TRAFD1: variants seen among roughly 807,000 people sequenced by gnomAD.
The protein encoded by TRAFD1 is TRAF-type zinc finger domain containing 1.
Under a neutral mutation model 65.3 loss-of-function variants are expected in TRAFD1, and 38 were observed. The observed-to-expected ratio is 0.58, with a 90% confidence interval of 0.45 to 0.76. The LOEUF is 0.76. Ranked by LOEUF, TRAFD1 falls within the 30% of genes least tolerant of loss-of-function variation. TRAFD1 has a pLI of 0.00. For missense variants in TRAFD1, 631 were observed against 712.6 expected, an observed-to-expected ratio of 0.89 and a Z score of 1.30; for synonymous variants, 223 against 257.2, an observed-to-expected ratio of 0.87 and a Z score of 1.27.
At position 112,130,459 on chromosome 12, in the gene TRAFD1, C is replaced by A; in HGVS notation, c.-12-52C>A. 1 of 1,482,272 alleles carries A rather than the reference C, an allele frequency of 6.7e-7. No homozygotes were observed. The highest frequency in any genetic ancestry group is 9.4e-7 in the Non-Finnish European group (1 of 1,067,332). The allele number at this position is 1,482,272 out of a possible 1,614,324, so 91.8% of individuals were successfully genotyped here. A position where few individuals can be genotyped will look rare whatever the true frequency, so the allele number is the denominator to read the frequency against. ...TTTTATTTGTTTTTTTGCATGTCAT[C>A]TTTAAAGCAGAAATGAAAGAGAAAG... On this transcript the variant is annotated intron_variant, in intron 1 of 11. Coordinates refer to ENST00000412615, the MANE Select transcript of TRAFD1 (RefSeq NM_006700.3). The surrounding 1 kb of genome is among the most constrained non-coding windows in gnomAD (Gnocchi z 4.4).
Position 112,153,211 on chromosome 12 carries a change from G to A in TRAFD1, c.*420G>A, listed in dbSNP as rs992425126. ...TTGGGGGCTTTTGGGCAACCTCTCC[G>A]TGTACTGCGTCTGTCCACACTCGAT... On this transcript the variant is annotated 3_prime_UTR_variant, in exon 12 of 12. Coordinates refer to ENST00000412615, the MANE Select transcript of TRAFD1 (RefSeq NM_006700.3). The A allele has an allele frequency of 3.3e-5, 6 of 182,236 alleles. No homozygotes were observed. The highest frequency in any genetic ancestry group is 9.5e-5 in the African/African-American group (4 of 42,020). 11.3% of individuals were successfully genotyped at this position (182,236 alleles called of 1,614,324 possible).
At chr12:112,144,006 G>A (rs993041141) in intron 6 of TRAFD1, among the ~76,000 whole-genome samples, 1 of 152,038 alleles carries the variant, frequency 6.6e-6, no homozygotes, top group African/African-American at 2.4e-5. Context: ...TGGGATTACA[G>A]GCATTAGCCA....
At position 112,151,800 on chromosome 12, in the gene TRAFD1, G is replaced by C; in HGVS notation, c.1280-1G>C. 6.2e-7 allele frequency: 1 copy of C among 1,611,010 alleles called. No homozygotes were observed. Among genetic ancestry groups the C allele is most frequent in the South Asian group, 1.1e-5 (1 of 91,000 alleles). On this transcript the variant is annotated splice_acceptor_variant, in intron 9 of 11. Transcript: ENST00000412615. LOFTEE classifies it high-confidence loss of function. ...AAGCTGTTACCATTTTCTCTTCTCAGGAGACCTGTCTTCTGGTTACCTGGA... is the reference window on the plus strand; with the variant it reads ...AAGCTGTTACCATTTTCTCTTCTCACGAGACCTGTCTTCTGGTTACCTGGA...
intron 4 of TRAFD1, 77 bp from the exon 5 acceptor site, chr12:112,140,742 T>C: frequency 8.5e-6 from 13 of 1,534,176 alleles, no homozygotes; most frequent in Non-Finnish European, 1.2e-5. Flanking sequence ...GTAGATACTC[T>C]TGGCTTTCCT....
intron 2 of TRAFD1, among the ~76,000 whole-genome samples, chr12:112,131,780 C>T (rs2079567317): frequency 6.6e-6 from 1 of 152,056 alleles, no homozygotes; most frequent in Non-Finnish European, 1.5e-5. Flanking sequence ...AATATGTTGG[C>T]AGTTAAATTT....
At position 112,142,134 on chromosome 12, in the gene TRAFD1, C is replaced by T; in HGVS notation, c.689C>T (p.Pro230Leu). ...GAAAGGAATAGAGGCCAACAGCCCC[C>T]CAAAGAGGGTGGTGAAGAGAGTGCA... is the stretch of plus-strand genomic sequence containing the variant. ...RQERNRGQQP[P>L]KEGGEESANL... Residue 230 changes from proline to leucine, a missense_variant, in exon 6 of 12, where the codon CCC (proline) becomes CTC (leucine). Transcript: ENST00000412615. 6.2e-7 allele frequency: 1 copy of T among 1,613,948 alleles called. No individual in the cohort carries two copies. Among genetic ancestry groups the T allele is most frequent in the Non-Finnish European group, 8.5e-7 (1 of 1,179,982 alleles).
chr12:112,130,442 GT>G lies in TRAFD1; in HGVS notation c.-12-62del. The stretch of plus-strand genomic sequence containing the variant: ...GTTTCTGTATACTAGTTTTTTATTT[GT>G]TTTTTTGCATGTCATCTTTAAAGCA... On this transcript the variant is annotated intron_variant, in intron 1 of 11. Coordinates refer to ENST00000412615, the MANE Select transcript of TRAFD1 (RefSeq NM_006700.3). This position sits in a 1 kb window ranked among gnomAD's most constrained non-coding sequence, Gnocchi z 4.4. 3.0e-6 allele frequency: 4 copies of G among 1,325,092 alleles called. No individual in the cohort carries two copies. Among genetic ancestry groups the G allele is most frequent in the East Asian group, 2.3e-5 (1 of 42,858 alleles). The allele number at this position is 1,325,092 out of a possible 1,614,324, so 82.1% of individuals were successfully genotyped here. A position where few individuals can be genotyped will look rare whatever the true frequency, so the allele number is the denominator to read the frequency against.
intron 5 of TRAFD1, 143 bp from the exon 6 acceptor site, chr12:112,141,946 G>C (rs1566049548): frequency 1.2e-6 from 1 of 820,122 alleles, no homozygotes; most frequent in East Asian, 2.7e-5. Context: ...AGACCCAGAG[G>C]GTGAAGAGAG....
intron 4 of TRAFD1, 50 bp from the exon 5 acceptor site, chr12:112,140,769 A>C: frequency 6.3e-7 from 1 of 1,596,132 alleles, no homozygotes. Context: ...ATACTAAAAC[A>C]CACCTCTCCT....
intron 4 of TRAFD1, among the ~76,000 whole-genome samples, chr12:112,138,765 G>A (rs1231719286): frequency 6.6e-6 from 1 of 151,320 alleles, no homozygotes; most frequent in African/African-American, 2.4e-5. Flanking sequence ...GGCTGAGGCA[G>A]GAGAATTGCT....
intron 8 of TRAFD1, 79 bp from the exon 9 acceptor site, chr12:112,149,672 A>C (rs2030347220): frequency 1.3e-6 from 2 of 1,577,744 alleles, no homozygotes; most frequent in East Asian, 2.3e-5. Context: ...TGAGGAATAC[A>C]CTGCTGTTCC....
chr12:112,150,220 A>G (rs2030362988), intron 9 of TRAFD1, among the ~76,000 whole-genome samples: 1 of 152,162 alleles, frequency 6.6e-6, no homozygotes, highest in Non-Finnish European at 1.5e-5. Flanking sequence ...TCAAGTTGAA[A>G]TACACTTAGG....
chr12:112,143,455 T>C (rs6489828), intron 6 of TRAFD1, among the ~76,000 whole-genome samples: 53,516 of 151,188 alleles, frequency 0.35, 13,841 homozygotes, highest in East Asian at 0.85. Context: ...AAACTCTTGA[T>C]GTCAGGTGAT....
chr12:112,136,303 G>A (rs915097608), intron 4 of TRAFD1, among the ~76,000 whole-genome samples: 3 of 149,612 alleles, frequency 2.0e-5, no homozygotes, highest in Non-Finnish European at 4.4e-5. Context: ...TTTTGAGATG[G>A]AATCTTGTTC....
intron 1 of TRAFD1, among the ~76,000 whole-genome samples, chr12:112,129,143 A>G (rs1035124483): frequency 6.6e-5 from 10 of 150,442 alleles, no homozygotes; most frequent in Admixed American, 2.7e-4. Context: ...AGCCAAATGC[A>G]GTGTGTGATC....
rs2079563135 is a variant in TRAFD1 at position 112,130,665 on chromosome 12, A to G, written c.47+96A>G. The G allele has an allele frequency of 1.8e-6, 2 of 1,083,196 alleles. No homozygotes were observed. The highest frequency in any genetic ancestry group is 3.9e-5 in the Admixed American group (2 of 51,570). The allele number at this position is 1,083,196 out of a possible 1,614,324, so 67.1% of individuals were successfully genotyped here. A position where few individuals can be genotyped will look rare whatever the true frequency, so the allele number is the denominator to read the frequency against. On this transcript the variant is annotated intron_variant, in intron 2 of 11. Coordinates refer to ENST00000412615, the MANE Select transcript of TRAFD1 (RefSeq NM_006700.3). The surrounding 1 kb of genome is among the most constrained non-coding windows in gnomAD (Gnocchi z 4.4). ...TTAAAAACTGTTAGTGAAGACTGGC[A>G]CAGTCTTGAGTTAAGCTTTCTATTT...
chr12:112,125,674 A>T (rs1249834164), intron 1 of TRAFD1, 56 bp downstream of exon 1: 4 of 152,380 alleles, frequency 2.6e-5, no homozygotes, highest in African/African-American at 7.2e-5. Flanking sequence ...CAGTTTAGGA[A>T]GGGTCCAGCA....
At position 112,141,059 on chromosome 12, in the gene TRAFD1, G is replaced by A; in HGVS notation, c.478G>A (p.Asp160Asn). 1 of 1,614,174 alleles carries A rather than the reference G, an allele frequency of 6.2e-7. No individual in the cohort carries two copies. The highest frequency in any genetic ancestry group is 2.2e-5 in the East Asian group (1 of 44,896). Residue 160 changes from aspartate (D) to asparagine (N), a missense_variant, in exon 5 of 12, where the codon GAT becomes AAT. Physicochemically the swap from Asp to Asn is conservative, Grantham distance 23. Coordinates refer to ENST00000412615, the MANE Select transcript of TRAFD1 (RefSeq NM_006700.3). Reference sequence around the variant, plus strand: ...TGCATATGATGAATCTTGGGGTCAGGATGGAATCTGGATTGCATCCCAACT... The same window carrying A: ...TGCATATGATGAATCTTGGGGTCAGAATGGAATCTGGATTGCATCCCAACT... The part of the protein sequence containing the change: ...PNAYDESWGQ[D>N]GIWIASQLLR...
At chr12:112,142,360 T>C in intron 6 of TRAFD1, 65 bp downstream of exon 6, 1 of 1,488,468 alleles carries the variant, frequency 6.7e-7, no homozygotes, top group Non-Finnish European at 9.1e-7. Context: ...GGTTATACAA[T>C]TCTTATACAA....
Sources: gnomAD v4.1 joint callset for allele counts (sites outside exome capture counted in the v4.1 genomes callset) on GRCh38, gnomAD v4.1.1 for gene constraint, Gnocchi (gnomAD v3.1) non-coding constraint, MANE v1.5 for transcripts, NCBI Gene and HGNC (gene_info 2026-07-23, HGNC 2026-07-21) for gene names.